The following LPL variants were observed in gnomAD, a reference collection of about 807,000 sequenced individuals.
LPL encodes phospholipase A1.
In LPL, 43 loss-of-function variants were observed where a neutral mutation model predicts 52.2. That is an observed-to-expected ratio of 0.82 (90% CI 0.64 to 1.06). LPL has a LOEUF of 1.06. Among genes scored for constraint, LPL ranks in the 50% least tolerant of loss-of-function variants. The probability of loss-of-function intolerance (pLI) is 0.00; values close to 1 mark genes in which losing one functional copy is unlikely to be tolerated. For synonymous variants in LPL, 244 were observed against 215.6 expected (o/e 1.13, Z -1.15); for missense variants, 639 against 585.3 (o/e 1.09, Z -0.95).
chr8:19,948,345 G>A lies in LPL; in HGVS notation c.249+5G>A, dbSNP rs763109874. 7.4e-6 allele frequency: 12 copies of A among 1,613,714 alleles called. No individual in the cohort carries two copies. The South Asian group carries it at 8.8e-5, about 12-fold the overall frequency. On this transcript the variant is annotated splice_donor_5th_base_variant and intron_variant, in intron 2 of 9. Transcript: ENST00000650287. ...ATGGTGATCCATGGCTGGACGGTAA[G>A]GGAGGCTCTTTGGGGAAGAGTGGAT...
chr8:19,962,617 A>G (rs2070049870), intron 9 of LPL, among the ~76,000 whole-genome samples: 1 of 152,134 alleles, frequency 6.6e-6, no homozygotes. Flanking sequence ...AGCTCTTCCC[A>G]GGATGTATTC....
Position 19,939,346 on chromosome 8 carries a change from G to T in LPL, c.-95G>T. ...CCCTTTAAAGGGCGACTTGCTCAGCGCCAAACCGCGGCTCCAGCCCTCTCC... is the reference window on the plus strand; with the variant it reads ...CCCTTTAAAGGGCGACTTGCTCAGCTCCAAACCGCGGCTCCAGCCCTCTCC... On this transcript the variant is annotated 5_prime_UTR_variant, in exon 1 of 10. Coordinates refer to ENST00000650287, the MANE Select transcript of LPL (RefSeq NM_000237.3). This position sits in a 1 kb window ranked among gnomAD's most constrained non-coding sequence, Gnocchi z 4.0. 1 of 1,244,992 alleles carries T rather than the reference G, an allele frequency of 8.0e-7. No homozygotes were observed. The highest frequency in any genetic ancestry group is 1.1e-6 in the Non-Finnish European group (1 of 877,320). 77.1% of individuals were successfully genotyped at this position (1,244,992 alleles called of 1,614,324 possible).
chr8:19,941,884 G>A (rs2128835670), intron 1 of LPL, among the ~76,000 whole-genome samples: 1 of 152,294 alleles, frequency 6.6e-6, no homozygotes, highest in Admixed American at 6.5e-5. Context: ...TTCGTCCTGG[G>A]AGCCACCACC....
At chr8:19,940,154 C>T (rs1469760321) in intron 1 of LPL, among the ~76,000 whole-genome samples, 2 of 152,190 alleles carry the variant, frequency 1.3e-5, no homozygotes, top group Non-Finnish European at 2.9e-5. Flanking sequence ...GGCGCGGAGT[C>T]CTGGGGACGC....
Position 19,956,053 on chromosome 8 carries a change from C to G in LPL, c.988C>G (p.Leu330Val), listed in dbSNP as rs2069982720. Residue 330 changes from leucine (L) to valine (V), a missense_variant, in exon 6 of 10, where the codon CTG (leucine) becomes GTG (valine). Transcript: ENST00000650287. Reference sequence around the variant, plus strand: ...AGCCAAAAGAAGCAGCAAAATGTACCTGAAGACTCGTTCTCAGATGCCCTA... The same window carrying G: ...AGCCAAAAGAAGCAGCAAAATGTACGTGAAGACTCGTTCTCAGATGCCCTA... ...VRAKRSSKMY[L>V]KTRSQMPYKV... 2 of 1,614,038 alleles carry G rather than the reference C, an allele frequency of 1.2e-6. No individual in the cohort carries two copies. Among genetic ancestry groups the G allele is most frequent in the African/African-American group, 2.7e-5 (2 of 74,912 alleles).
chr8:19,955,234 A>C (rs2128838378), intron 5 of LPL, among the ~76,000 whole-genome samples: 1 of 152,346 alleles, frequency 6.6e-6, no homozygotes, highest in Non-Finnish European at 1.5e-5. Context: ...CATAATATCA[A>C]TGATAAAATA....
At chr8:19,951,702 T>C (rs1249614355) in intron 2 of LPL, 67 bp from the exon 3 acceptor site, 12 of 1,557,314 alleles carry the variant, frequency 7.7e-6, no homozygotes, top group East Asian at 6.7e-5. Context: ...TGCAGGTGTA[T>C]TGGGCTGATG....
rs992827997 is a variant in LPL at position 19,950,735 on chromosome 8, C to A, written c.250-1034C>A. ...AGGAGAATCGCTTGAACCAAGGAGG[C>A]GGAGGTTGCACTGAGCTGAGATCAT... On this transcript the variant is annotated intron_variant, in intron 2 of 9. Transcript: ENST00000650287. The surrounding 1 kb of genome is among the most constrained non-coding windows in gnomAD (Gnocchi z 4.2). 4.6e-5 allele frequency among the ~76,000 whole-genome samples: 7 copies of A among 151,928 alleles called. No individual in the cohort carries two copies. The highest frequency in any genetic ancestry group is 1.3e-4 in the Admixed American group (2 of 15,256).
intron 9 of LPL, 127 bp downstream of exon 9, chr8:19,962,346 C>A (rs1368652856): frequency 2.7e-6 from 2 of 746,294 alleles, no homozygotes; most frequent in Non-Finnish European, 4.9e-6. Context: ...AGCATTCAAT[C>A]AGTCTTTCTT....
In LPL at chr8:19,951,854, ACTGG is replaced by A; in HGVS notation, c.339_342del (p.Trp113CysfsTer58). ...CCAGACTCCAATGTCATTGTGGTGG[ACTGG>A]CTGTCACGGGCTCAGGAGCATTACC... On this transcript the variant is annotated frameshift_variant, in exon 3 of 10. Coordinates refer to ENST00000650287, the MANE Select transcript of LPL (RefSeq NM_000237.3). LOFTEE classifies it high-confidence loss of function. The A allele has an allele frequency of 3.7e-6, 6 of 1,614,154 alleles. No homozygotes were observed. Among genetic ancestry groups the A allele is most frequent in the Non-Finnish European group, 5.1e-6 (6 of 1,180,040 alleles).
chr8:19,945,168 C>T (rs900477767), intron 1 of LPL, among the ~76,000 whole-genome samples: 40 of 152,078 alleles, frequency 2.6e-4, no homozygotes, highest in African/African-American at 9.7e-4. Context: ...CAAATCAGTT[C>T]ACCTGCTGCC....
In LPL at chr8:19,944,873, T is replaced by C. The variant is rs1196757680; in HGVS notation, c.89-3307T>C. On this transcript the variant is annotated intron_variant, in intron 1 of 9. Transcript: ENST00000650287. This position sits in a 1 kb window ranked among gnomAD's most constrained non-coding sequence, Gnocchi z 4.2. ...TACCCAAAACTCTCCCCTAAGGGCTTAATATGGACATTTCTGACGAGGCCT... is the reference window on the plus strand; with the variant it reads ...TACCCAAAACTCTCCCCTAAGGGCTCAATATGGACATTTCTGACGAGGCCT... Among the ~76,000 whole-genome samples, 4 of 152,190 alleles carry C rather than the reference T, an allele frequency of 2.6e-5. No homozygotes were observed. Among genetic ancestry groups the C allele is most frequent in the African/African-American group, 9.7e-5 (4 of 41,448 alleles).
chr8:19,951,559 C>G (rs766313059), intron 2 of LPL: 1 of 651,438 alleles, frequency 1.5e-6, no homozygotes, highest in Non-Finnish European at 2.8e-6. Flanking sequence ...CGTTCCTCAA[C>G]TCAACTCAAT....
chr8:19,966,966 C>T lies in LPL; in HGVS notation c.*1656C>T, dbSNP rs994279533. The T allele has an allele frequency of 6.6e-6, 1 of 152,592 alleles. No individual in the cohort carries two copies. The highest frequency in any genetic ancestry group is 2.4e-5 in the African/African-American group (1 of 41,430). The allele number at this position is 152,592 out of a possible 1,614,324, so 9.5% of individuals were successfully genotyped here. On this transcript the variant is annotated 3_prime_UTR_variant, in exon 10 of 10. Coordinates refer to ENST00000650287, the MANE Select transcript of LPL (RefSeq NM_000237.3). The stretch of plus-strand genomic sequence containing the variant: ...CAGCACATAGCACTGGGAACTCTGG[C>T]TCCGAAAAACTTTGTTATATATATC...
chr8:19,944,783 T>C lies in LPL; in HGVS notation c.89-3397T>C, dbSNP rs897610930. ...GTTTACACACTCAGATTTGTAGTTA[T>C]TTATTTAGGAATTTAGGAATAAAGA... On this transcript the variant is annotated intron_variant, in intron 1 of 9. Coordinates refer to ENST00000650287, the MANE Select transcript of LPL (RefSeq NM_000237.3). The surrounding 1 kb of genome is among the most constrained non-coding windows in gnomAD (Gnocchi z 4.2). 2.0e-5 allele frequency among the ~76,000 whole-genome samples: 3 copies of C among 152,212 alleles called. No homozygotes were observed.
At chr8:19,961,975 G>A in intron 8 of LPL, 140 bp from the exon 9 acceptor site, 1 of 686,192 alleles carries the variant, frequency 1.5e-6, no homozygotes, top group South Asian at 1.5e-5. Flanking sequence ...GCCTGAGTGT[G>A]ACAGTTAATT....
intron 2 of LPL, 36 bp from the exon 3 acceptor site, chr8:19,951,733 T>G (rs1563572675): frequency 2.5e-6 from 4 of 1,611,712 alleles, no homozygotes; most frequent in Non-Finnish European, 3.4e-6. Flanking sequence ...AAGTGGTAGG[T>G]GGGTATTTTA....
intron 7 of LPL, among the ~76,000 whole-genome samples, chr8:19,960,020 C>A (rs1409455626): frequency 6.6e-6 from 1 of 151,808 alleles, no homozygotes; most frequent in Non-Finnish European, 1.5e-5. Flanking sequence ...AATTCCTGAT[C>A]TCAGGTGATC....
chr8:19,955,863 C>T lies in LPL; in HGVS notation c.798C>T (p.Cys266=), dbSNP rs118204082. 113 of 1,614,050 alleles carry T rather than the reference C, an allele frequency of 7.0e-5. 1 individual carries two copies. In the Admixed American group the frequency reaches 1.8e-3, roughly 25 times the overall value. ...CAGATGTGGACCAGCTAGTGAAGTG[C>T]TCCCACGAGCGCTCCATTCATCTCT... The part of the protein sequence containing the change: ...GLGDVDQLVK[C]SHERSIHLFI... The change falls in exon 6 of 10, where the codon TGC becomes TGT. Residue 266 remains cysteine, a synonymous_variant. Transcript: ENST00000650287.
Sources: allele counts gnomAD v4.1 joint callset (sites outside exome capture counted in the v4.1 genomes callset), GRCh38; gene constraint gnomAD v4.1.1; non-coding constraint Gnocchi (gnomAD v3.1); transcripts MANE v1.5; gene names NCBI Gene and HGNC (gene_info 2026-07-23, HGNC 2026-07-21).